The following NUP210L variants were observed in gnomAD, a reference collection of about 807,000 sequenced individuals.
NUP210L encodes nuclear pore membrane glycoprotein 210-like.
Under a neutral mutation model 208.5 loss-of-function variants are expected in NUP210L, and 74 were observed. The observed-to-expected ratio is 0.35, with a 90% CI of 0.29 to 0.43. NUP210L has a LOEUF of 0.43. Among genes scored for constraint, NUP210L ranks in the 20% least tolerant of loss-of-function variants. NUP210L has a pLI of 1.00. For missense variants in NUP210L, 1,843 were observed against 2,289.4 expected, an observed-to-expected ratio of 0.81 and a Z score of 3.98; for synonymous variants, 780 against 816.9, an observed-to-expected ratio of 0.95 and a Z score of 0.77.
At chr1:154,093,568 C>T (rs1484846926) in intron 15 of NUP210L, among the ~76,000 whole-genome samples, 1 of 152,274 alleles carries the variant, frequency 6.6e-6, no homozygotes, top group Non-Finnish European at 1.5e-5. Flanking sequence ...TAGTGAGCTA[C>T]GATCGTTCCA....
At chr1:154,032,950 G>GAAGAAAATAA in intron 27 of NUP210L, among the ~76,000 whole-genome samples, 1 of 124,468 alleles carries the variant, frequency 8.0e-6, no homozygotes, top group African/African-American at 3.2e-5. Context: ...AAGAAAGAAA[G>GAAGAAAATAA]AAGAAAAGAA....
intron 35 of NUP210L, among the ~76,000 whole-genome samples, chr1:154,004,946 T>G (rs945034089): frequency 1.7e-4 from 24 of 143,746 alleles, no homozygotes; most frequent in Non-Finnish European, 3.5e-4. Flanking sequence ...CTCCACCTCC[T>G]GGGTTCAAGC....
At position 154,058,074 on chromosome 1, in the gene NUP210L, T is replaced by C; in HGVS notation, c.3107+15A>G. 6.2e-7 allele frequency: 1 copy of C among 1,613,892 alleles called. No individual in the cohort carries two copies. Among genetic ancestry groups the C allele is most frequent in the Non-Finnish European group, 8.5e-7 (1 of 1,179,842 alleles). ...GATATGCAGAGTGGGAAGGAAGTAT[T>C]GAAATGGTACTTACGTCAGGGTGAC... On this transcript the variant is annotated intron_variant, in intron 22 of 39. Coordinates refer to ENST00000368559, the Ensembl canonical transcript of NUP210L.
chr1:154,028,221 G>T (rs1327280727), intron 28 of NUP210L, among the ~76,000 whole-genome samples: 1 of 152,168 alleles, frequency 6.6e-6, no homozygotes, highest in African/African-American at 2.4e-5. Flanking sequence ...AATATCTGTA[G>T]AAACTATTCA....
At chr1:154,060,189 A>C (rs1262254557) in intron 20 of NUP210L, among the ~76,000 whole-genome samples, 1 of 152,202 alleles carries the variant, frequency 6.6e-6, no homozygotes, top group African/African-American at 2.4e-5. Flanking sequence ...CAGTGAGCCG[A>C]GATCGCACCA....
chr1:154,100,006 G>C (rs779852901), exon 14 of NUP210L: 6 of 1,614,068 alleles, frequency 3.7e-6, no homozygotes, highest in Non-Finnish European at 4.2e-6. Context: ...ACCTTTAGGG[G>C]TTCATAAGCA....
intron 39 of NUP210L, 26 bp from the exon 40 acceptor site, chr1:153,992,961 G>GA: frequency 6.2e-7 from 1 of 1,607,590 alleles, no homozygotes; most frequent in Non-Finnish European, 8.5e-7. Context: ...AAAGTTGAGT[G>GA]AATTAAACGT....
intron 31 of NUP210L, among the ~76,000 whole-genome samples, 172 bp from the exon 32 acceptor site, chr1:154,022,515 A>G (rs1651622870): frequency 6.6e-6 from 1 of 151,894 alleles, no homozygotes; most frequent in Non-Finnish European, 1.5e-5. Flanking sequence ...CTTCATACGT[A>G]TAGTTCCCAG....
In NUP210L at chr1:154,139,967, T is replaced by G. The variant is rs769019640; in HGVS notation, c.567-15A>C. 3 of 1,593,234 alleles carry G rather than the reference T, an allele frequency of 1.9e-6. No homozygotes were observed. Among genetic ancestry groups the G allele is most frequent in the Non-Finnish European group, 2.6e-6 (3 of 1,166,758 alleles). On this transcript the variant is annotated splice_polypyrimidine_tract_variant and intron_variant, in intron 4 of 39. Transcript: ENST00000368559. The stretch of plus-strand genomic sequence containing the variant: ...ATTTAAGAATCCTAAAGACATAAAA[T>G]AAAATGTGTTTCTAGCAGAATTAAA...
chr1:154,110,422 C>T (rs1294418694), intron 12 of NUP210L, among the ~76,000 whole-genome samples: 8 of 150,686 alleles, frequency 5.3e-5, no homozygotes, highest in Non-Finnish European at 1.0e-4. Context: ...CAGGGGCACG[C>T]CACCATGCCT....
At chr1:154,128,615 C>T (rs1658101084) in intron 8 of NUP210L, among the ~76,000 whole-genome samples, 1 of 152,008 alleles carries the variant, frequency 6.6e-6, no homozygotes, top group Non-Finnish European at 1.5e-5. Context: ...CTTTGGGAGG[C>T]CGAGGAGAGC....
At chr1:154,066,664 G>T (rs1228368482) in intron 17 of NUP210L, among the ~76,000 whole-genome samples, 8 of 151,938 alleles carry the variant, frequency 5.3e-5, no homozygotes, top group African/African-American at 1.5e-4. Context: ...TGGTTTTTTT[G>T]AAAAGATCAA....
At chr1:154,139,493 T>TA (rs1490434113) in intron 5 of NUP210L, among the ~76,000 whole-genome samples, 2 of 151,944 alleles carry the variant, frequency 1.3e-5, no homozygotes, top group Non-Finnish European at 2.9e-5. Context: ...TAGATAAACA[T>TA]AAAAAACTAT....
intron 16 of NUP210L, among the ~76,000 whole-genome samples, chr1:154,073,335 C>T (rs1177788331): frequency 6.6e-6 from 1 of 151,924 alleles, no homozygotes; most frequent in African/African-American, 2.4e-5. Context: ...ACCTCGGCCT[C>T]CCAAAGTATG....
intron 7 of NUP210L, among the ~76,000 whole-genome samples, chr1:154,130,620 T>TC (rs1658200841): frequency 7.0e-6 from 1 of 142,022 alleles, no homozygotes; most frequent in African/African-American, 2.6e-5. Flanking sequence ...TCTCACTCTG[T>TC]CACCCAGGCT....
At chr1:154,061,945 A>G (rs1654164110) in intron 17 of NUP210L, among the ~76,000 whole-genome samples, 1 of 152,256 alleles carries the variant, frequency 6.6e-6, no homozygotes, top group East Asian at 1.9e-4. Flanking sequence ...CTCCTGCCTC[A>G]GCCTCCCAAG....
chr1:154,058,985 T>C (rs1201545894), intron 20 of NUP210L, among the ~76,000 whole-genome samples: 3 of 152,042 alleles, frequency 2.0e-5, no homozygotes, highest in African/African-American at 7.3e-5. Flanking sequence ...GCCCAGGAGT[T>C]CAAGAACAGC....
At chr1:154,114,803 T>A (rs2148090324) in intron 12 of NUP210L, among the ~76,000 whole-genome samples, 1 of 150,760 alleles carries the variant, frequency 6.6e-6, no homozygotes, top group Middle Eastern at 3.5e-3. Flanking sequence ...TGCTTTGTTG[T>A]CCAGGCTGGT....
At chr1:153,997,472 T>TG (rs1649960681) in intron 37 of NUP210L, among the ~76,000 whole-genome samples, 1 of 149,960 alleles carries the variant, frequency 6.7e-6, no homozygotes, top group Non-Finnish European at 1.5e-5. Flanking sequence ...TTTCTGTTTT[T>TG]TTTTTTTTTT....
Sources: gnomAD v4.1 joint callset for allele counts (sites outside exome capture counted in the v4.1 genomes callset) on GRCh38, gnomAD v4.1.1 for gene constraint, MANE v1.5 for transcripts, NCBI Gene and HGNC (gene_info 2026-07-23, HGNC 2026-07-21) for gene names.